CDKL4: variants seen among roughly 807,000 people sequenced by gnomAD.
CDKL4 encodes the protein cyclin dependent kinase like 4.
CDKL4 carries 44 observed loss-of-function variants against 42.0 expected under a neutral mutation model. The ratio of observed to expected loss-of-function variants is 1.05; its 90% CI spans 0.82 to 1.35. The LOEUF is 1.35. Ranked by LOEUF, CDKL4 falls within the 40% of genes most tolerant of loss-of-function variation. The probability of loss-of-function intolerance (pLI) is 0.00; values close to 1 mark genes in which losing one functional copy is unlikely to be tolerated. For synonymous variants in CDKL4, 120 were observed against 121.6 expected (o/e 0.99, Z 0.09); for missense variants, 393 against 369.9 (o/e 1.06, Z -0.51).
At chr2:39,189,439 C>G (rs538264514) in intron 6 of CDKL4, among the ~76,000 whole-genome samples, 4 of 152,190 alleles carry the variant, frequency 2.6e-5, no homozygotes, top group Non-Finnish European at 4.4e-5. Flanking sequence ...TTATAACTTC[C>G]TTAACAGGTT....
At chr2:39,192,983 C>T (rs558484606) in intron 5 of CDKL4, among the ~76,000 whole-genome samples, 1 of 151,274 alleles carries the variant, frequency 6.6e-6, no homozygotes, top group Non-Finnish European at 1.5e-5. Flanking sequence ...AAAAAATCAG[C>T]CAGGCATGGT....
chr2:39,240,607 G>T (rs1679612199), intron 1 of CDKL4, among the ~76,000 whole-genome samples: 1 of 149,716 alleles, frequency 6.7e-6, no homozygotes, highest in South Asian at 2.1e-4. Flanking sequence ...AACAAAATGT[G>T]GATTATCCAT....
At chr2:39,178,823 C>A in intron 9 of CDKL4, 1 of 1,533,576 alleles carries the variant, frequency 6.5e-7, no homozygotes, top group Non-Finnish European at 8.8e-7. Flanking sequence ...TACAGAAAGG[C>A]ACTTGGATTC....
At chr2:39,195,624 T>A (rs1676464188) in intron 5 of CDKL4, among the ~76,000 whole-genome samples, 1 of 151,704 alleles carries the variant, frequency 6.6e-6, no homozygotes, top group Non-Finnish European at 1.5e-5. Context: ...ACTTTTTATT[T>A]TTTACATTTT....
downstream of CDKL4, among the ~76,000 whole-genome samples, chr2:39,171,584 T>C (rs1572928942): frequency 1.3e-5 from 2 of 152,210 alleles, no homozygotes; most frequent in East Asian, 1.9e-4. Context: ...CCCAAGCACA[T>C]AGGCCACCAG....
intron 8 of CDKL4, among the ~76,000 whole-genome samples, chr2:39,183,342 T>C (rs1675549431): frequency 6.6e-6 from 1 of 152,022 alleles, no homozygotes; most frequent in Non-Finnish European, 1.5e-5. Context: ...ATCTATAAGA[T>C]AGGGTGTGGT....
chr2:39,177,794 GTC>G (rs1421185434), intron 9 of CDKL4, among the ~76,000 whole-genome samples: 3 of 146,398 alleles, frequency 2.0e-5, no homozygotes, highest in African/African-American at 7.6e-5. Context: ...GTTCATGCAA[GTC>G]TCCTGCCTCA....
intron 1 of CDKL4, 21 bp from the exon 2 acceptor site, chr2:39,229,609 G>T (rs959351545): frequency 6.2e-5 from 73 of 1,173,430 alleles, no homozygotes; most frequent in Non-Finnish European, 8.5e-5. Context: ...AGGTAGACTT[G>T]CCTTAATCAA....
chr2:39,232,174 C>G (rs1679118907), intron 1 of CDKL4, among the ~76,000 whole-genome samples: 1 of 152,132 alleles, frequency 6.6e-6, no homozygotes, highest in African/African-American at 2.4e-5. Context: ...ATAATCACAT[C>G]AACCAAACTG....
chr2:39,215,460 T>C (rs1232823759), intron 3 of CDKL4, among the ~76,000 whole-genome samples: 2 of 152,238 alleles, frequency 1.3e-5, no homozygotes, highest in Non-Finnish European at 2.9e-5. Context: ...CTGTTGTTTG[T>C]ATATTTTTCA....
intron 5 of CDKL4, among the ~76,000 whole-genome samples, chr2:39,191,148 C>T (rs1676156320): frequency 6.6e-6 from 1 of 152,068 alleles, no homozygotes; most frequent in African/African-American, 2.4e-5. Flanking sequence ...CCTCTCATCC[C>T]AGCACTTTGG....
chr2:39,220,252 G>A (rs1050786558), intron 3 of CDKL4, among the ~76,000 whole-genome samples: 1 of 152,034 alleles, frequency 6.6e-6, no homozygotes, highest in Non-Finnish European at 1.5e-5. Context: ...GTACAATAAG[G>A]CTGGTTCTGC....
chr2:39,193,451 C>T (rs191903845), intron 5 of CDKL4, among the ~76,000 whole-genome samples: 7 of 151,756 alleles, frequency 4.6e-5, no homozygotes, highest in African/African-American at 1.7e-4. Flanking sequence ...TCTCGGCTCA[C>T]CGCAACCTCC....
chr2:39,209,483 G>A (rs537797637), intron 4 of CDKL4, among the ~76,000 whole-genome samples: 5 of 152,220 alleles, frequency 3.3e-5, no homozygotes, highest in South Asian at 2.1e-4. Flanking sequence ...AAATGAATAC[G>A]TATTTTCTTA....
chr2:39,224,145 C>T (rs765807286), intron 3 of CDKL4, among the ~76,000 whole-genome samples: 2 of 152,082 alleles, frequency 1.3e-5, no homozygotes, highest in Non-Finnish European at 2.9e-5. Flanking sequence ...TACCCAATAT[C>T]TCATTTCTAT....
intron 1 of CDKL4, among the ~76,000 whole-genome samples, chr2:39,231,966 A>G (rs953901805): frequency 2.6e-5 from 4 of 152,234 alleles, no homozygotes; most frequent in Admixed American, 2.0e-4. Flanking sequence ...TAGATTTGTT[A>G]ATTTAACCTA....
chr2:39,199,153 A>T (rs57183352), intron 5 of CDKL4, among the ~76,000 whole-genome samples: 11,855 of 152,116 alleles, frequency 0.078, 1,567 homozygotes, highest in African/African-American at 0.27. Context: ...ATGAAACAGG[A>T]GATATTATAA....
At chr2:39,202,852 C>G (rs943368435) in intron 5 of CDKL4, among the ~76,000 whole-genome samples, 2 of 152,198 alleles carry the variant, frequency 1.3e-5, no homozygotes, top group African/African-American at 4.8e-5. Context: ...AAATGGCCAA[C>G]AATGACCCCA....
chr2:39,178,733 C>T (rs1195955027), intron 9 of CDKL4: 1 of 1,607,634 alleles, frequency 6.2e-7, no homozygotes, highest in Non-Finnish European at 8.5e-7. Context: ...TGAGAAAAAG[C>T]CTAGGAAAGG....
Sources: allele counts gnomAD v4.1 joint callset (sites outside exome capture counted in the v4.1 genomes callset), GRCh38; gene constraint gnomAD v4.1.1; transcripts MANE v1.5; gene names NCBI Gene and HGNC (gene_info 2026-07-23, HGNC 2026-07-21).